Variants in DYSF observed in about 807,000 individuals in gnomAD.
The protein encoded by DYSF is dystrophy-associated fer-1-like 1.
In DYSF, 212 loss-of-function variants were observed where a neutral mutation model predicts 274.9. The observed-to-expected ratio is 0.77, with a 90% CI of 0.69 to 0.86. The LOEUF is 0.86. Among genes scored for constraint, DYSF ranks in the 40% least tolerant of loss-of-function variants. The pLI, the probability that DYSF is intolerant of heterozygous loss-of-function variation, is 0.00. For synonymous variants in DYSF, 1,091 were observed against 1,078.7 expected, an observed-to-expected ratio of 1.01 and a Z score of -0.22; for missense variants, 2,666 against 2,783.2, an observed-to-expected ratio of 0.96 and a Z score of 0.95.
At chr2:71,616,210 G>A (rs2093880086) in intron 40 of DYSF, among the ~76,000 whole-genome samples, 1 of 152,116 alleles carries the variant, frequency 6.6e-6, no homozygotes, top group Admixed American at 6.5e-5. Context: ...GGCCAATTCT[G>A]GAGGTGACTC....
Position 71,520,893 on chromosome 2 carries a change from G to C in DYSF, c.1138G>C (p.Asp380His). 6.2e-7 allele frequency: 1 copy of C among 1,614,106 alleles called. No homozygotes were observed. The highest frequency in any genetic ancestry group is 8.5e-7 in the Non-Finnish European group (1 of 1,180,012). ...AAGCCTTTGTGTGCTGGGGCCTGGG[G>C]ACGAAGCGCCTGTGAGTACATTTCC... ...KTSLCVLGPGDEAPLERKDPS... is the reference protein window; with the variant it reads ...KTSLCVLGPGHEAPLERKDPS... Residue 380 changes from aspartate (D) to histidine (H), a missense_variant, in exon 12 of 56, where the codon GAC becomes CAC. Around this residue, in one of 3 missense-constraint regions of DYSF, gnomAD observed 794 missense variants for 777.1 expected, o/e 1.02. Transcript: ENST00000410020.
Position 71,481,874 on chromosome 2 carries a change from T to C in DYSF, c.148-5T>C. ...GTTAAGATGCCTTTTCTCTTTTTCT[T>C]CCAGGGATTTGAATGGGACCTCAAG... On this transcript the variant is annotated splice_polypyrimidine_tract_variant and splice_region_variant and intron_variant, in intron 2 of 55. Transcript: ENST00000410020. 6 of 1,613,712 alleles carry C rather than the reference T, an allele frequency of 3.7e-6. No homozygotes were observed. The highest frequency in any genetic ancestry group is 5.1e-6 in the Non-Finnish European group (6 of 1,179,652).
intron 6 of DYSF, 37 bp downstream of exon 6, chr2:71,513,369 C>T: frequency 6.5e-7 from 1 of 1,532,742 alleles, no homozygotes; most frequent in Non-Finnish European, 8.8e-7. Context: ...ATCCCAGACC[C>T]TCCCTGTAAC....
Position 71,578,886 on chromosome 2 carries a change from C to T in DYSF, c.3402+4515C>T, listed in dbSNP as rs554331048. On this transcript the variant is annotated intron_variant, in intron 30 of 55. Transcript: ENST00000410020. ...CAGGGGCCAAGCCTGGCTCCTTCCA[C>T]GGAGCGGGAGGCCCTGGCTCCGTCT... 9.7e-4 allele frequency among the ~76,000 whole-genome samples: 148 copies of T among 152,358 alleles called. 1 individual carries two copies. Among genetic ancestry groups the T allele is most frequent in the African/African-American group, 2.8e-3 (117 of 41,592 alleles).
At chr2:71,577,603 TAGAC>T (rs1444496255) in intron 30 of DYSF, among the ~76,000 whole-genome samples, 1 of 150,172 alleles carries the variant, frequency 6.7e-6, no homozygotes, top group African/African-American at 2.5e-5. Context: ...CACCAACACA[TAGAC>T]ACACACACAT....
upstream of DYSF, among the ~76,000 whole-genome samples, chr2:71,465,103 C>T (rs1209558520): frequency 6.6e-6 from 1 of 152,070 alleles, no homozygotes; most frequent in African/African-American, 2.4e-5. Flanking sequence ...GTGGGGTCAA[C>T]GGTGTGCTTT....
Position 71,551,630 on chromosome 2 carries a change from C to T in DYSF, c.1716C>T (p.Gly572=), listed in dbSNP as rs1559138079. ...TGKGEGVAYR[G]RLLLSLETKL... ...AGGGGGAAGGTGTGGCTTATCGTGG[C>T]CGGCTTCTGCTCTCCCTGGAGACCA... The change falls in exon 19 of 56, where the codon GGC becomes GGT. Residue 572 remains glycine (G), a synonymous_variant. Transcript: ENST00000410020. The T allele has an allele frequency of 2.5e-6, 4 of 1,608,164 alleles. No homozygotes were observed. The highest frequency in any genetic ancestry group is 3.4e-6 in the Non-Finnish European group (4 of 1,178,496).
At position 71,574,433 on chromosome 2, in the gene DYSF, C is replaced by T. The variant is rs557373785; in HGVS notation, c.3402+62C>T. On this transcript the variant is annotated intron_variant, in intron 30 of 55. Transcript: ENST00000410020. ...TATATCTTGGTTTCCCAGGGCTGTT[C>T]GGGCTGATGTGGGAGAGGCACAGGG... 7.8e-5 allele frequency: 123 copies of T among 1,579,844 alleles called. No homozygotes were observed. The African/African-American group carries it at 1.3e-3, about 16-fold the overall frequency.
chr2:71,605,070 T>C (rs916918761), intron 36 of DYSF, among the ~76,000 whole-genome samples: 17 of 152,336 alleles, frequency 1.1e-4, no homozygotes, highest in Middle Eastern at 3.4e-3. Context: ...CCGGGAGATC[T>C]GGGTCCTCGC....
chr2:71,500,591 C>T (rs890106334), intron 3 of DYSF, among the ~76,000 whole-genome samples: 6 of 152,090 alleles, frequency 3.9e-5, no homozygotes, highest in African/African-American at 1.4e-4. Flanking sequence ...TGCCATTGTT[C>T]CCTGACCCAC....
chr2:71,612,585 C>T (rs1229691278), intron 38 of DYSF, 56 bp from the exon 39 acceptor site: 1 of 1,604,926 alleles, frequency 6.2e-7, no homozygotes, highest in African/African-American at 1.3e-5. Flanking sequence ...TTGGGCTTGA[C>T]CTGGAGACTT....
intron 1 of DYSF, among the ~76,000 whole-genome samples, chr2:71,455,271 A>G (rs1253731787): frequency 6.6e-6 from 1 of 152,180 alleles, no homozygotes; most frequent in Non-Finnish European, 1.5e-5. Flanking sequence ...TGTCATGAGT[A>G]CCTTCTCTTG....
chr2:71,495,281 G>A (rs1270148829), intron 3 of DYSF, among the ~76,000 whole-genome samples: 1 of 152,102 alleles, frequency 6.6e-6, no homozygotes, highest in Non-Finnish European at 1.5e-5. Flanking sequence ...GACTTTTACA[G>A]ATGAGGAAAC....
chr2:71,473,754 T>C (rs1312862449), intron 1 of DYSF, among the ~76,000 whole-genome samples: 1 of 152,118 alleles, frequency 6.6e-6, no homozygotes, highest in East Asian at 1.9e-4. Context: ...TGTACCATCT[T>C]AGCCATTTTT....
upstream of DYSF, among the ~76,000 whole-genome samples, chr2:71,463,498 C>G (rs995274925): frequency 2.6e-5 from 4 of 152,322 alleles, no homozygotes; most frequent in African/African-American, 9.6e-5. Context: ...TGTTCCCAGC[C>G]CCCACCGGCT....
intron 22 of DYSF, among the ~76,000 whole-genome samples, chr2:71,557,906 C>A (rs1419561130): frequency 6.6e-6 from 1 of 151,892 alleles, no homozygotes; most frequent in Non-Finnish European, 1.5e-5. Flanking sequence ...GTGGCGGGTG[C>A]CTGTAATCCC....
intron 40 of DYSF, among the ~76,000 whole-genome samples, chr2:71,619,314 C>G (rs1190540701): frequency 6.6e-6 from 1 of 152,098 alleles, no homozygotes; most frequent in African/African-American, 2.4e-5. Flanking sequence ...CAGGGCCATC[C>G]AGCAGCCCTG....
chr2:71,561,418 C>T (rs1160186774), intron 22 of DYSF, among the ~76,000 whole-genome samples: 1 of 152,190 alleles, frequency 6.6e-6, no homozygotes, highest in African/African-American at 2.4e-5. Flanking sequence ...CTCCGAGAGC[C>T]TGTAGTCAGT....
At chr2:71,507,115 T>A (rs2085561736) in intron 4 of DYSF, among the ~76,000 whole-genome samples, 1 of 152,116 alleles carries the variant, frequency 6.6e-6, no homozygotes, top group Non-Finnish European at 1.5e-5. Context: ...GCCCCAGTGC[T>A]GAGGAGCTGG....
Sources: gnomAD v4.1 joint callset for allele counts (sites outside exome capture counted in the v4.1 genomes callset) on GRCh38, gnomAD v4.1.1 for gene constraint, gnomAD v4.1.1 regional missense constraint, MANE v1.5 for transcripts, NCBI Gene and HGNC (gene_info 2026-07-23, HGNC 2026-07-21) for gene names.